Variants in GLIS3 observed in about 807,000 individuals in gnomAD.
The protein encoded by GLIS3 is GLIS family zinc finger 3.
Under a neutral mutation model 78.6 loss-of-function variants are expected in GLIS3, and 53 were observed. That is an observed-to-expected ratio of 0.67 (90% CI 0.54 to 0.85). GLIS3 has a LOEUF of 0.85. Ranked by LOEUF, GLIS3 falls within the 40% of genes least tolerant of loss-of-function variation. The pLI, the probability that GLIS3 is intolerant of heterozygous loss-of-function variation, is 0.00. For missense variants in GLIS3, 1,703 were observed against 1,231.1 expected, an observed-to-expected ratio of 1.38 and a Z score of -5.74; for synonymous variants, 684 against 509.9, an observed-to-expected ratio of 1.34 and a Z score of -4.60.
the GLIS3 span, among the ~76,000 whole-genome samples, chr9:4,407,151 T>A: frequency 6.6e-6 from 1 of 152,060 alleles, no homozygotes; most frequent in African/African-American, 2.4e-5. Context: ...CCATCTACAG[T>A]AAACTCATTT....
chr9:4,224,823 A>C (rs12343780), intron 2 of GLIS3, among the ~76,000 whole-genome samples: 20,191 of 151,902 alleles, frequency 0.13, 1,423 homozygotes, highest in African/African-American at 0.16. Flanking sequence ...AATGTTGAAC[A>C]GCAAAATCAT....
the GLIS3 span, among the ~76,000 whole-genome samples, chr9:4,406,489 T>G: frequency 1.1e-4 from 17 of 152,260 alleles, no homozygotes; most frequent in African/African-American, 4.1e-4. Flanking sequence ...CCTGGCTAAT[T>G]TTGTATTTTC....
rs116946099 is a variant in GLIS3 at position 4,204,520 on chromosome 9, C to T, written c.389-78579G>A. Among the ~76,000 whole-genome samples the T allele has an allele frequency of 4.2e-3, 641 of 152,148 alleles. 4 individuals are homozygous for T. The highest frequency in any genetic ancestry group is 7.3e-3 in the Non-Finnish European group (496 of 67,998). ...TTATTAACAAGCAGAGTAAGAGGAG[C>T]CCACCAAGGAACTAACGTATGACAG... On this transcript the variant is annotated intron_variant, in intron 2 of 10. Coordinates refer to ENST00000381971, the MANE Select transcript of GLIS3 (RefSeq NM_001042413.2).
chr9:4,473,575 G>C, the GLIS3 span, among the ~76,000 whole-genome samples: 1 of 152,014 alleles, frequency 6.6e-6, no homozygotes, highest in Admixed American at 6.6e-5. Context: ...TCACTTACAA[G>C]TGGGAGCTAA....
chr9:4,032,978 C>T (rs891977599), intron 4 of GLIS3, among the ~76,000 whole-genome samples: 2 of 152,084 alleles, frequency 1.3e-5, no homozygotes, highest in East Asian at 1.9e-4. Context: ...CTCAGCCTCC[C>T]GAGTAGCTGG....
intron 2 of GLIS3, among the ~76,000 whole-genome samples, chr9:4,236,204 A>AGAAAG (rs1554630096): frequency 9.3e-5 from 8 of 86,388 alleles, no homozygotes; most frequent in East Asian, 4.5e-4. Context: ...AAAAAAAAAA[A>AGAAAG]AAAGAAAGAA....
intron 2 of GLIS3, among the ~76,000 whole-genome samples, chr9:4,318,286 T>A (rs1010859962): frequency 6.6e-6 from 1 of 152,100 alleles, no homozygotes; most frequent in Admixed American, 6.5e-5. Context: ...AATGTATATC[T>A]CCCAGTTCTG....
chr9:4,459,866 C>T, the GLIS3 span, among the ~76,000 whole-genome samples: 2 of 152,144 alleles, frequency 1.3e-5, no homozygotes, highest in Non-Finnish European at 2.9e-5. Context: ...AGTGATTAAC[C>T]ATGCTAAATG....
At chr9:3,908,713 T>TTG (rs1237489763) in intron 6 of GLIS3, among the ~76,000 whole-genome samples, 25 of 122,890 alleles carry the variant, frequency 2.0e-4, no homozygotes, top group Non-Finnish European at 4.1e-4. Flanking sequence ...TTTGTTTTTT[T>TTG]TTTTTTTTTT....
intron 4 of GLIS3, among the ~76,000 whole-genome samples, chr9:3,984,395 G>C (rs1272856749): frequency 6.6e-6 from 1 of 152,210 alleles, no homozygotes; most frequent in Admixed American, 6.5e-5. Context: ...GAGTGAAAGG[G>C]GATCATTTTG....
intron 4 of GLIS3, among the ~76,000 whole-genome samples, chr9:3,945,890 T>A (rs1816260326): frequency 6.6e-6 from 1 of 152,158 alleles, no homozygotes; most frequent in Admixed American, 6.5e-5. Flanking sequence ...GAAGAAAGTA[T>A]GAGACCTATG....
At chr9:4,316,313 C>G (rs1276507840) in intron 2 of GLIS3, among the ~76,000 whole-genome samples, 1 of 152,230 alleles carries the variant, frequency 6.6e-6, no homozygotes, top group Non-Finnish European at 1.5e-5. Flanking sequence ...GGTCCCACAA[C>G]TTGTTTTGCA....
chr9:4,303,876 A>C (rs1817156875), upstream of GLIS3, among the ~76,000 whole-genome samples: 1 of 152,270 alleles, frequency 6.6e-6, no homozygotes, highest in African/African-American at 2.4e-5. Flanking sequence ...TTCCGCAGGC[A>C]GCCAGTTATT....
chr9:4,249,708 G>A (rs749219478), intron 2 of GLIS3, among the ~76,000 whole-genome samples: 2 of 152,110 alleles, frequency 1.3e-5, no homozygotes, highest in Non-Finnish European at 2.9e-5. Flanking sequence ...GTTTTCAAAG[G>A]GAATGCTTCC....
chr9:4,188,337 G>C (rs1338860231), intron 2 of GLIS3, among the ~76,000 whole-genome samples: 1 of 148,584 alleles, frequency 6.7e-6, no homozygotes, highest in Non-Finnish European at 1.5e-5. Flanking sequence ...TGCATCCCAG[G>C]GATGAAGCCC....
At chr9:4,241,148 C>T (rs770722461) in intron 2 of GLIS3, among the ~76,000 whole-genome samples, 1 of 152,168 alleles carries the variant, frequency 6.6e-6, no homozygotes, top group African/African-American at 2.4e-5. Flanking sequence ...TGTGCACACT[C>T]TGAAATCTAA....
chr9:4,023,956 G>A, intron 4 of GLIS3, among the ~76,000 whole-genome samples: 1 of 151,964 alleles, frequency 6.6e-6, no homozygotes, highest in African/African-American at 2.4e-5. Flanking sequence ...GTCAAACAAG[G>A]GTGGTGAATC....
At chr9:3,967,266 G>C (rs60626311) in intron 4 of GLIS3, among the ~76,000 whole-genome samples, 1 of 152,182 alleles carries the variant, frequency 6.6e-6, no homozygotes, top group Admixed American at 6.5e-5. Flanking sequence ...CACTTTGGGA[G>C]ACCGAGGCGG....
chr9:4,110,950 C>A (rs1831163697), intron 4 of GLIS3, among the ~76,000 whole-genome samples: 1 of 152,080 alleles, frequency 6.6e-6, no homozygotes, highest in South Asian at 2.1e-4. Flanking sequence ...CTATCTGGAC[C>A]CTAAAATGAC....
Sources: allele counts gnomAD v4.1 joint callset (sites outside exome capture counted in the v4.1 genomes callset), GRCh38; gene constraint gnomAD v4.1.1; transcripts MANE v1.5; gene names NCBI Gene and HGNC (gene_info 2026-07-23, HGNC 2026-07-21).